Variants in EHBP1 observed in about 807,000 individuals in gnomAD.
The protein encoded by EHBP1 is EH domain binding protein 1, also known as EH domain-binding protein 1.
A neutral mutation model predicts 144.0 loss-of-function variants in EHBP1; 55 were observed. The observed-to-expected ratio is 0.38, with a 90% CI of 0.31 to 0.48. EHBP1 has a LOEUF of 0.48. Ranked by LOEUF, EHBP1 falls within the 20% of genes least tolerant of loss-of-function variation. The pLI is 0.98. For synonymous variants in EHBP1, 469 were observed against 472.7 expected (o/e 0.99, Z 0.10); for missense variants, 1,200 against 1,364.2 (o/e 0.88, Z 1.90).
intron 2 of EHBP1, among the ~76,000 whole-genome samples, chr2:62,708,915 C>G (rs1019425819): frequency 6.6e-6 from 1 of 151,606 alleles, no homozygotes; most frequent in Non-Finnish European, 1.5e-5. Flanking sequence ...GGGGGGCATG[C>G]AGTGAGATAT....
intron 10 of EHBP1, among the ~76,000 whole-genome samples, chr2:62,916,975 A>G (rs1331867534): frequency 6.6e-6 from 1 of 152,028 alleles, no homozygotes; most frequent in Non-Finnish European, 1.5e-5. Flanking sequence ...ACATATATAT[A>G]TATCATGTGT....
chr2:63,038,840 A>G, intron 21 of EHBP1, 24 bp downstream of exon 21: 1 of 1,600,212 alleles, frequency 6.2e-7, no homozygotes, highest in Non-Finnish European at 8.6e-7. Context: ...TGGTGGGGTG[A>G]GGTATGTGAC....
intron 2 of EHBP1, among the ~76,000 whole-genome samples, chr2:62,717,122 G>T (rs1488391252): frequency 6.6e-6 from 1 of 151,936 alleles, no homozygotes; most frequent in African/African-American, 2.4e-5. Context: ...ATGAACCTAG[G>T]ATCTTTTCGT....
intron 10 of EHBP1, among the ~76,000 whole-genome samples, chr2:62,906,916 CT>C (rs1284612364): frequency 6.6e-6 from 1 of 152,116 alleles, no homozygotes; most frequent in Non-Finnish European, 1.5e-5. Context: ...TTGGAATGGA[CT>C]TTTTTTCACT....
intron 1 of EHBP1, among the ~76,000 whole-genome samples, chr2:62,700,160 A>C (rs2034234705): frequency 1.3e-5 from 2 of 152,114 alleles, no homozygotes; most frequent in East Asian, 3.8e-4. Flanking sequence ...GGGTCCTATA[A>C]TGATAGAGTA....
chr2:62,889,864 G>A (rs1422910413), intron 10 of EHBP1, among the ~76,000 whole-genome samples: 1 of 151,492 alleles, frequency 6.6e-6, no homozygotes, highest in Admixed American at 6.6e-5. Flanking sequence ...CTGTAGTATA[G>A]TTTGAAGTTG....
intron 19 of EHBP1, among the ~76,000 whole-genome samples, chr2:63,023,936 A>G (rs1253995533): frequency 6.6e-6 from 1 of 152,244 alleles, no homozygotes; most frequent in East Asian, 1.9e-4. Context: ...AATTTTCTAG[A>G]GAATTGAATT....
At chr2:62,911,602 C>G (rs1212018387) in intron 10 of EHBP1, among the ~76,000 whole-genome samples, 1 of 152,156 alleles carries the variant, frequency 6.6e-6, no homozygotes, top group Non-Finnish European at 1.5e-5. Context: ...GCTGGGATTA[C>G]AGGCGCCCAT....
chr2:62,882,415 A>T (rs1223529034), intron 10 of EHBP1, among the ~76,000 whole-genome samples: 2 of 152,242 alleles, frequency 1.3e-5, no homozygotes, highest in Non-Finnish European at 2.9e-5. Context: ...TGACTGGGAC[A>T]CTAGCCAGAA....
chr2:62,675,181 G>A (rs1333125430), intron 1 of EHBP1, among the ~76,000 whole-genome samples: 3 of 152,186 alleles, frequency 2.0e-5, no homozygotes, highest in African/African-American at 4.8e-5. Flanking sequence ...GCTTAGAAAG[G>A]AGCCATTAAA....
At chr2:62,879,585 AC>A in intron 10 of EHBP1, among the ~76,000 whole-genome samples, 1 of 151,488 alleles carries the variant, frequency 6.6e-6, no homozygotes, top group African/African-American at 2.4e-5. Flanking sequence ...ACACACACAC[AC>A]ACACAGAGAC....
intron 10 of EHBP1, among the ~76,000 whole-genome samples, chr2:62,900,517 A>C (rs1335646137): frequency 6.6e-6 from 1 of 151,846 alleles, no homozygotes; most frequent in African/African-American, 2.4e-5. Flanking sequence ...GGTACTCAGG[A>C]GGCTCAAGTG....
intron 5 of EHBP1, among the ~76,000 whole-genome samples, chr2:62,814,794 A>G (rs529614069): frequency 2.0e-5 from 3 of 152,316 alleles, no homozygotes; most frequent in African/African-American, 7.2e-5. Flanking sequence ...AATTTGAAAC[A>G]ATACTACATT....
At chr2:62,754,997 G>A (rs2040140885) in intron 3 of EHBP1, among the ~76,000 whole-genome samples, 1 of 152,166 alleles carries the variant, frequency 6.6e-6, no homozygotes, top group Admixed American at 6.5e-5. Flanking sequence ...CCACTGTCCT[G>A]CACCCACTGT....
chr2:62,677,318 C>A (rs1044453801), intron 1 of EHBP1, among the ~76,000 whole-genome samples: 5 of 152,132 alleles, frequency 3.3e-5, no homozygotes, highest in Non-Finnish European at 7.3e-5. Context: ...TGCCATTTCC[C>A]CCCCAAGCAT....
chr2:63,010,487 C>G (rs2060220615), intron 19 of EHBP1, among the ~76,000 whole-genome samples: 1 of 151,256 alleles, frequency 6.6e-6, no homozygotes, highest in Admixed American at 6.6e-5. Context: ...TAAATGAATC[C>G]CTAATTTGAG....
chr2:62,812,792 A>T (rs2045124841), intron 5 of EHBP1, among the ~76,000 whole-genome samples: 1 of 152,142 alleles, frequency 6.6e-6, no homozygotes, highest in African/African-American at 2.4e-5. Flanking sequence ...GCGTGTAGTG[A>T]GATGTGAGTG....
intron 3 of EHBP1, among the ~76,000 whole-genome samples, chr2:62,749,555 C>G (rs1179609423): frequency 1.3e-5 from 2 of 152,296 alleles, no homozygotes; most frequent in South Asian, 2.1e-4. Context: ...CTTGAGGAAT[C>G]GCCACACTGA....
chr2:62,962,803 G>A (rs2058062969), intron 14 of EHBP1, among the ~76,000 whole-genome samples: 1 of 152,194 alleles, frequency 6.6e-6, no homozygotes, highest in South Asian at 2.1e-4. Flanking sequence ...TAGCATAAGA[G>A]TATGGTTTGC....
Sources: gnomAD v4.1 joint callset for allele counts (sites outside exome capture counted in the v4.1 genomes callset) on GRCh38, gnomAD v4.1.1 for gene constraint, MANE v1.5 for transcripts, NCBI Gene and HGNC (gene_info 2026-07-23, HGNC 2026-07-21) for gene names.